The following PVT1 variants were observed in gnomAD, a reference collection of about 807,000 sequenced individuals.
The protein encoded by PVT1 is CXCR4/PVT1 fusion.
chr8:127,930,589 A>G lies in PVT1; in HGVS notation n.782+39591A>G, dbSNP rs537482855. 1.9e-4 allele frequency among the ~76,000 whole-genome samples: 29 copies of G among 152,246 alleles called. No individual in the cohort carries two copies. In the Middle Eastern group the frequency reaches 0.01, roughly 54 times the overall value. ...AGTTTCCTCATTTTTCAAAACAAAG[A>G]TGGTGTGTGTGTGCATCTCCATCTA... On this transcript the variant is annotated intron_variant and non_coding_transcript_variant, in intron 3 of 10. Transcript: ENST00000651587.
intron 3 of PVT1, among the ~76,000 whole-genome samples, chr8:127,971,226 G>A (rs1369743433): frequency 1.3e-5 from 2 of 152,228 alleles, no homozygotes; most frequent in African/African-American, 4.8e-5. Context: ...GGCAGCCGAG[G>A]GCCAGGGAGG....
At chr8:127,962,190 C>T (rs763803950) in intron 3 of PVT1, among the ~76,000 whole-genome samples, 4 of 152,100 alleles carry the variant, frequency 2.6e-5, no homozygotes, top group Non-Finnish European at 5.9e-5. Flanking sequence ...TGGTCTCAAT[C>T]TCTTGATCTC....
rs138120412 is a variant in PVT1, at chr8:128,036,162, G to A, written n.913-33998G>A. 1.1e-4 allele frequency among the ~76,000 whole-genome samples: 16 copies of A among 152,264 alleles called. No individual in the cohort carries two copies. In the East Asian group the frequency reaches 2.7e-3, roughly 26 times the overall value. On this transcript the variant is annotated intron_variant and non_coding_transcript_variant, in intron 4 of 10. Coordinates refer to ENST00000651587, the Ensembl canonical transcript of PVT1. ...TCCCAGTGCTTTGGTTCAAGTTCAC[G>A]TTCACCTTTTGTTAGTTAAGGGGCC... is the stretch of plus-strand genomic sequence containing the variant.
intron 4 of PVT1, chr8:128,049,139 C>T (rs778082643): frequency 7.6e-6 from 4 of 526,322 alleles, no homozygotes; most frequent in Non-Finnish European, 3.9e-6. Flanking sequence ...TCCTGGCCGC[C>T]AGGCCTCCAT....
At chr8:128,065,988 A>G (rs1404499078) in intron 4 of PVT1, among the ~76,000 whole-genome samples, 1 of 152,276 alleles carries the variant, frequency 6.6e-6, no homozygotes, top group Non-Finnish European at 1.5e-5. Flanking sequence ...TGACAGATCC[A>G]TAAACAATTA....
intron 3 of PVT1, among the ~76,000 whole-genome samples, chr8:127,923,845 C>T (rs915835759): frequency 3.3e-5 from 5 of 152,308 alleles, no homozygotes; most frequent in Non-Finnish European, 5.9e-5. Context: ...TGGTGTGCCG[C>T]GCTTCTCCCA....
intron 4 of PVT1, among the ~76,000 whole-genome samples, chr8:127,990,870 A>G (rs1817025047): frequency 6.6e-6 from 1 of 152,014 alleles, no homozygotes. Flanking sequence ...GGTGGAGGGG[A>G]TTTTCTCCAT....
intron 4 of PVT1, chr8:128,049,374 G>A (rs955725907): frequency 1.6e-4 from 54 of 342,860 alleles, no homozygotes; most frequent in South Asian, 1.1e-3. Flanking sequence ...CGCGGAGGCA[G>A]AGCACTTGCC....
intron 2 of PVT1, among the ~76,000 whole-genome samples, chr8:127,848,685 G>T (rs768830672): frequency 6.6e-6 from 1 of 152,068 alleles, no homozygotes; most frequent in Non-Finnish European, 1.5e-5. Context: ...CTCCGTCTCA[G>T]ATAAAAAACA....
At chr8:127,945,315 C>A (rs1816407219) in intron 3 of PVT1, among the ~76,000 whole-genome samples, 2 of 152,130 alleles carry the variant, frequency 1.3e-5, no homozygotes, top group African/African-American at 4.8e-5. Flanking sequence ...GACTTCACTG[C>A]CGTGGAGGCT....
intron 2 of PVT1, among the ~76,000 whole-genome samples, chr8:127,835,016 A>G (rs1473048171): frequency 6.6e-6 from 1 of 152,200 alleles, no homozygotes; most frequent in East Asian, 1.9e-4. Flanking sequence ...AATTAGTTCA[A>G]CCATTGTGGA....
chr8:127,989,785 G>A (rs1357630157), intron 4 of PVT1, among the ~76,000 whole-genome samples: 1 of 152,142 alleles, frequency 6.6e-6, no homozygotes. Flanking sequence ...GGAGGTAAAG[G>A]GTTAGAGGTT....
intron 2 of PVT1, among the ~76,000 whole-genome samples, chr8:127,874,731 A>G (rs1239621123): frequency 6.6e-6 from 1 of 152,104 alleles, no homozygotes; most frequent in Non-Finnish European, 1.5e-5. Context: ...TTGTTGTGTG[A>G]TCTTCTTCTT....
At chr8:127,854,600 C>T (rs1467360472) in intron 2 of PVT1, 7 of 152,236 alleles carry the variant, frequency 4.6e-5, no homozygotes, top group Admixed American at 1.3e-4. Context: ...TCCTCAATCT[C>T]GGTCCGCCTT....
chr8:128,064,980 A>G (rs1813884389), intron 4 of PVT1, among the ~76,000 whole-genome samples: 1 of 152,162 alleles, frequency 6.6e-6, no homozygotes, highest in Non-Finnish European at 1.5e-5. Context: ...TGCTTGTAGC[A>G]TTTTAGATCT....
At chr8:128,054,863 C>G (rs1218870720) in intron 4 of PVT1, among the ~76,000 whole-genome samples, 1 of 152,176 alleles carries the variant, frequency 6.6e-6, no homozygotes, top group Admixed American at 6.5e-5. Context: ...CCAGATGTCA[C>G]TGAAGGTATT....
chr8:127,960,271 A>G (rs967037796), intron 3 of PVT1, among the ~76,000 whole-genome samples: 1 of 152,080 alleles, frequency 6.6e-6, no homozygotes, highest in Non-Finnish European at 1.5e-5. Flanking sequence ...GAATGGGTTG[A>G]TTTGTCCCAG....
intron 5 of PVT1, among the ~76,000 whole-genome samples, chr8:128,085,984 C>T (rs1814250666): frequency 2.0e-5 from 3 of 152,138 alleles, no homozygotes; most frequent in Admixed American, 2.0e-4. Flanking sequence ...CCTTGTGGTC[C>T]AGACAAAAAG....
intron 3 of PVT1, among the ~76,000 whole-genome samples, chr8:127,912,356 C>A (rs1563637248): frequency 6.6e-6 from 1 of 152,186 alleles, no homozygotes; most frequent in Non-Finnish European, 1.5e-5. Flanking sequence ...TGTTTACACA[C>A]CCACTCTACA....
Sources: allele counts gnomAD v4.1 joint callset (sites outside exome capture counted in the v4.1 genomes callset), GRCh38; gene constraint gnomAD v4.1.1; transcripts MANE v1.5; gene names NCBI Gene and HGNC (gene_info 2026-07-23, HGNC 2026-07-21).